The following SFXN5 variants were observed in gnomAD, a reference collection of about 807,000 sequenced individuals.
The protein encoded by SFXN5 is sideroflexin-5.
Under a neutral mutation model 50.2 loss-of-function variants are expected in SFXN5, and 43 were observed. The observed-to-expected ratio is 0.86, with a 90% CI of 0.67 to 1.11. The LOEUF (loss-of-function observed/expected upper bound fraction) is 1.11, where lower values mean the gene tolerates loss of function less well. Among genes scored for constraint, SFXN5 ranks in the 50% least tolerant of loss-of-function variants. SFXN5 has a pLI of 0.00. For synonymous variants in SFXN5, 203 were observed against 185.8 expected (o/e 1.09, Z -0.75); for missense variants, 463 against 454.1 (o/e 1.02, Z -0.18).
rs1427058529 is a variant in SFXN5, at chr2:72,960,190, C to T, written c.945+941G>A. Among the ~76,000 whole-genome samples the T allele has an allele frequency of 6.6e-6, 1 of 152,084 alleles. No individual in the cohort carries two copies. Among genetic ancestry groups the T allele is most frequent in the African/African-American group, 2.4e-5 (1 of 41,402 alleles). ...CCAGCCCAGGCGTCTCTCCTCATTCCAGACCCAGAGCCAACATCCCACAGG... is the reference window on the plus strand; with the variant it reads ...CCAGCCCAGGCGTCTCTCCTCATTCTAGACCCAGAGCCAACATCCCACAGG... On this transcript the variant is annotated intron_variant, in intron 13 of 13. Coordinates refer to ENST00000272433, the MANE Select transcript of SFXN5 (RefSeq NM_144579.3). The surrounding 1 kb of genome is among the most constrained non-coding windows in gnomAD (Gnocchi z 6.1).
chr2:73,010,277 A>C (rs1259775996), intron 6 of SFXN5, among the ~76,000 whole-genome samples: 2 of 152,260 alleles, frequency 1.3e-5, no homozygotes, highest in Non-Finnish European at 2.9e-5. Flanking sequence ...TGTTGCATGG[A>C]AATTCCCAAA....
At chr2:73,022,159 C>T (rs895205053) in intron 5 of SFXN5, among the ~76,000 whole-genome samples, 6 of 152,128 alleles carry the variant, frequency 3.9e-5, no homozygotes, top group South Asian at 2.1e-4. Context: ...GGTCACACAC[C>T]GGTGAGAGGG....
intron 7 of SFXN5, 112 bp downstream of exon 7, chr2:73,001,413 A>G (rs1297825695): frequency 9.0e-7 from 1 of 1,105,174 alleles, no homozygotes; most frequent in Admixed American, 1.8e-5. Flanking sequence ...GTTGGGGTGG[A>G]CTGACCCTAC....
At chr2:73,026,126 C>CTTTTTTTTTTTTTTTTTTTT (rs759334127) in intron 3 of SFXN5, among the ~76,000 whole-genome samples, 3 of 133,694 alleles carry the variant, frequency 2.2e-5, no homozygotes, top group African/African-American at 3.1e-5. Flanking sequence ...TGTGTGGCTG[C>CTTTTTTTTTTTTTTTTTTTT]TTTTTTTTTT....
chr2:73,049,633 C>T (rs1261913032), intron 2 of SFXN5: 1 of 152,172 alleles, frequency 6.6e-6, no homozygotes, highest in Non-Finnish European at 1.5e-5. Flanking sequence ...AAGATCCCAC[C>T]TCTTAATACT....
chr2:72,971,642 C>T lies in SFXN5; in HGVS notation c.669G>A (p.Glu223=), dbSNP rs138366383. The part of the protein sequence containing the change: ...ICNVVLMRYG[E]LEEGIDVLDS... ...CCAGGACATCAATCCCTTCCTCCAGCTCCCCGTACCGCATCAGGACCACAT... is the reference window on the plus strand; with the variant it reads ...CCAGGACATCAATCCCTTCCTCCAGTTCCCCGTACCGCATCAGGACCACAT... The change falls in exon 11 of 14, where the codon GAG becomes GAA. Residue 223 remains glutamate (E), a synonymous_variant. Transcript: ENST00000272433. 106 of 1,614,096 alleles carry T rather than the reference C, an allele frequency of 6.6e-5. No homozygotes were observed. The African/African-American group carries it at 1.4e-3, about 21-fold the overall frequency.
intron 13 of SFXN5, among the ~76,000 whole-genome samples, chr2:72,954,923 A>T (rs1672912265): frequency 6.6e-6 from 1 of 152,216 alleles, no homozygotes; most frequent in African/African-American, 2.4e-5. Context: ...ACAGGAAGAA[A>T]CTTAGTTCCA....
At chr2:73,044,077 T>C (rs1164920594) in intron 2 of SFXN5, among the ~76,000 whole-genome samples, 1 of 152,158 alleles carries the variant, frequency 6.6e-6, no homozygotes, top group African/African-American at 2.4e-5. Context: ...CAACGCTGAA[T>C]GGTGAATGGC....
In SFXN5 at chr2:72,967,535, G is replaced by A. The variant is rs570066900; in HGVS notation, c.827+913C>T. On this transcript the variant is annotated intron_variant, in intron 12 of 13. Transcript: ENST00000272433. ...GATACACAAGTGCTTAATAAATGTCGCTTGTTATTATAATTCATACTGCGG... is the reference window on the plus strand; with the variant it reads ...GATACACAAGTGCTTAATAAATGTCACTTGTTATTATAATTCATACTGCGG... 6.0e-4 allele frequency among the ~76,000 whole-genome samples: 92 copies of A among 152,268 alleles called. No individual in the cohort carries two copies. The South Asian group carries it at 0.014, about 23-fold the overall frequency.
chr2:73,047,055 T>A (rs1294709953), intron 2 of SFXN5, among the ~76,000 whole-genome samples: 2 of 149,348 alleles, frequency 1.3e-5, no homozygotes, highest in Non-Finnish European at 3.0e-5. Flanking sequence ...TGAAACTCCA[T>A]CTCTACTTAA....
intron 2 of SFXN5, among the ~76,000 whole-genome samples, chr2:73,055,543 T>C (rs921975963): frequency 6.6e-6 from 1 of 152,148 alleles, no homozygotes; most frequent in Non-Finnish European, 1.5e-5. Flanking sequence ...GACTCCCGCC[T>C]ATAATCCCAG....
chr2:72,944,959 C>G lies in SFXN5; in HGVS notation c.*63G>C, dbSNP rs1022356277. The G allele has an allele frequency of 9.9e-6, 15 of 1,513,278 alleles. No individual in the cohort carries two copies. The highest frequency in any genetic ancestry group is 1.4e-5 in the Non-Finnish European group (15 of 1,099,856). 93.7% of individuals were successfully genotyped at this position (1,513,278 alleles called of 1,614,324 possible). On this transcript the variant is annotated 3_prime_UTR_variant, in exon 14 of 14. Coordinates refer to ENST00000272433, the MANE Select transcript of SFXN5 (RefSeq NM_144579.3). ...GCTCCCTGCAGGTGCAGCCGTGAGT[C>G]TACGGCCCTGCCCCTCAGCTCCCCG...
intron 3 of SFXN5, among the ~76,000 whole-genome samples, chr2:73,028,262 T>G (rs1257907528): frequency 6.6e-6 from 1 of 152,180 alleles, no homozygotes. Flanking sequence ...GAATTTGAGT[T>G]TTATAAGTTA....
At chr2:72,981,528 T>C (rs116257331) in intron 10 of SFXN5, among the ~76,000 whole-genome samples, 7 of 152,318 alleles carry the variant, frequency 4.6e-5, no homozygotes, top group Non-Finnish European at 7.4e-5. Context: ...CCCTGCCAGG[T>C]TGGTGTCCCT....
chr2:72,972,932 T>G (rs1022428245), intron 10 of SFXN5, among the ~76,000 whole-genome samples: 4 of 151,326 alleles, frequency 2.6e-5, no homozygotes, highest in Admixed American at 1.3e-4. Context: ...GCCACCAGGG[T>G]TTGGGGAGCT....
At chr2:73,057,504 T>C (rs979824707) in intron 2 of SFXN5, among the ~76,000 whole-genome samples, 1 of 152,154 alleles carries the variant, frequency 6.6e-6, no homozygotes, top group Non-Finnish European at 1.5e-5. Context: ...ATTCCATTTA[T>C]ATGACATTCT....
At chr2:73,047,082 G>C (rs142308843) in intron 2 of SFXN5, among the ~76,000 whole-genome samples, 9,005 of 149,180 alleles carry the variant, frequency 0.06, 326 homozygotes, top group East Asian at 0.14. Context: ...AAAATTAGCT[G>C]GACGTGGTGG....
intron 13 of SFXN5, among the ~76,000 whole-genome samples, chr2:72,954,812 C>T (rs1672899969): frequency 6.6e-6 from 1 of 152,218 alleles, no homozygotes; most frequent in African/African-American, 2.4e-5. Flanking sequence ...ACCTGAGGGG[C>T]AGCATGTAAC....
At chr2:72,974,972 A>T (rs1369906608) in intron 10 of SFXN5, among the ~76,000 whole-genome samples, 1 of 152,236 alleles carries the variant, frequency 6.6e-6, no homozygotes, top group Non-Finnish European at 1.5e-5. Context: ...TTAATTAAGC[A>T]GCCTGTTAGT....
Sources: allele counts gnomAD v4.1 joint callset (sites outside exome capture counted in the v4.1 genomes callset), GRCh38; gene constraint gnomAD v4.1.1; non-coding constraint Gnocchi (gnomAD v3.1); transcripts MANE v1.5; gene names NCBI Gene and HGNC (gene_info 2026-07-23, HGNC 2026-07-21).